Variants in RNF17 observed in about 807,000 individuals in gnomAD.
RNF17 encodes the protein ring finger protein 17, also known as spermatogenesis associated 23.
Under a neutral mutation model 200.5 loss-of-function variants are expected in RNF17, and 31 were observed. That is an observed-to-expected ratio of 0.15 (90% CI 0.12 to 0.21). RNF17 has a LOEUF of 0.21. RNF17 is among the 10% of genes least tolerant of loss of function. The pLI, the probability that RNF17 is intolerant of heterozygous loss-of-function variation, is 1.00. For synonymous variants in RNF17, 606 were observed against 637.8 expected (o/e 0.95, Z 0.75); for missense variants, 1,628 against 1,905.1 (o/e 0.85, Z 2.71).
chr13:24,883,612 A>G (rs1953928729), downstream of RNF17, among the ~76,000 whole-genome samples: 1 of 152,104 alleles, frequency 6.6e-6, no homozygotes, highest in Admixed American at 6.5e-5. Context: ...ACTTTTTTCA[A>G]CTTGTGTTCT....
chr13:24,782,516 A>G (rs1202997178), intron 6 of RNF17, among the ~76,000 whole-genome samples: 1 of 152,128 alleles, frequency 6.6e-6, no homozygotes, highest in Non-Finnish European at 1.5e-5. Context: ...TAACTGTTAA[A>G]GTAAACAAGC....
At chr13:24,876,534 T>G (rs1038912579) in intron 33 of RNF17, among the ~76,000 whole-genome samples, 1 of 152,248 alleles carries the variant, frequency 6.6e-6, no homozygotes, top group Non-Finnish European at 1.5e-5. Context: ...CATTTTACAT[T>G]CTCACTAAGA....
chr13:24,803,352 C>A (rs1179520835), intron 14 of RNF17, among the ~76,000 whole-genome samples: 1 of 152,190 alleles, frequency 6.6e-6, no homozygotes, highest in African/African-American at 2.4e-5. Context: ...GGCTAGAGTG[C>A]AGTAGCACAG....
intron 29 of RNF17, among the ~76,000 whole-genome samples, chr13:24,865,568 A>T (rs1257430732): frequency 6.6e-6 from 1 of 152,170 alleles, no homozygotes; most frequent in East Asian, 1.9e-4. Context: ...GCATCATTAT[A>T]TTTTATATCA....
upstream of RNF17, among the ~76,000 whole-genome samples, chr13:24,760,890 C>G (rs555878944): frequency 6.6e-6 from 1 of 152,044 alleles, no homozygotes; most frequent in South Asian, 2.1e-4. Context: ...CACTAATCAT[C>G]AGGGAAATGC....
chr13:24,856,930 C>G (rs911187385), intron 25 of RNF17, among the ~76,000 whole-genome samples: 1 of 152,046 alleles, frequency 6.6e-6, no homozygotes, highest in Non-Finnish European at 1.5e-5. Context: ...CAAAGTGTTG[C>G]AAGGTCACAA....
intron 1 of RNF17, 153 bp downstream of exon 1, chr13:24,764,486 C>T (rs1664234764): frequency 1.4e-6 from 1 of 740,538 alleles, no homozygotes; most frequent in South Asian, 6.0e-5. Context: ...CTGCACCCGA[C>T]CTCTAAGAGG....
At chr13:24,815,789 A>C (rs1364805048) in intron 15 of RNF17, among the ~76,000 whole-genome samples, 1 of 151,930 alleles carries the variant, frequency 6.6e-6, no homozygotes, top group Non-Finnish European at 1.5e-5. Context: ...AGGGTGTTCA[A>C]TTTTTCAAAT....
chr13:24,768,081 C>T (rs992269806), intron 2 of RNF17, among the ~76,000 whole-genome samples: 4 of 152,074 alleles, frequency 2.6e-5, no homozygotes, highest in African/African-American at 7.2e-5. Context: ...TGGGAGATGC[C>T]ATTCTACAAC....
rs1403413862 is a variant in RNF17, at chr13:24,853,860, A to G, written c.3326A>G (p.Asn1109Ser). ...TTCTTTTTTGGATGTTACAGAATTAATAACTTAGATAACAGCCATTCATTA... is the reference window on the plus strand; with the variant it reads ...TTCTTTTTTGGATGTTACAGAATTAGTAACTTAGATAACAGCCATTCATTA... Reference protein sequence around the residue: ...KGLALRERRINNLDNSHSLSE... With the variant: ...KGLALRERRISNLDNSHSLSE... Residue 1109 changes from asparagine (N) to serine (S), a missense_variant, in exon 25 of 36, where the codon AAT (asparagine) becomes AGT (serine). Transcript: ENST00000255324. 2.5e-6 allele frequency: 4 copies of G among 1,598,540 alleles called. No individual in the cohort carries two copies. The African/African-American group carries it at 5.4e-5, about 22-fold the overall frequency.
At position 24,789,358 on chromosome 13, in the gene RNF17, C is replaced by T; in HGVS notation, c.794C>T (p.Thr265Ile). ...TTTTTTAAATTCTAGATTATCCGGACTTTGCAGTTAACTTCAGATAGTGAA... is the reference window on the plus strand; with the variant it reads ...TTTTTTAAATTCTAGATTATCCGGATTTTGCAGTTAACTTCAGATAGTGAA... The part of the protein sequence containing the change: ...TYCDLNQIIR[T>I]LQLTSDSELA... Residue 265 changes from threonine to isoleucine, a missense_variant, in exon 8 of 36, where the codon ACT becomes ATT. Thr to Ile is a moderately conservative substitution (Grantham distance 89, BLOSUM62 -1). This residue lies in a region of RNF17 where 502 missense variants were observed against 501.7 expected (regional missense o/e 1.00). Coordinates refer to ENST00000255324, the MANE Select transcript of RNF17 (RefSeq NM_031277.3). 1.3e-6 allele frequency: 2 copies of T among 1,595,778 alleles called. No homozygotes were observed. The highest frequency in any genetic ancestry group is 8.6e-7 in the Non-Finnish European group (1 of 1,165,896).
At chr13:24,865,789 G>A (rs573398884) in intron 29 of RNF17, among the ~76,000 whole-genome samples, 1 of 152,032 alleles carries the variant, frequency 6.6e-6, no homozygotes, top group South Asian at 2.1e-4. Context: ...GAGTGGGGGT[G>A]TGTGTGTGTG....
At chr13:24,782,499 A>G (rs1241228490) in intron 6 of RNF17, among the ~76,000 whole-genome samples, 1 of 152,018 alleles carries the variant, frequency 6.6e-6, no homozygotes, top group Non-Finnish European at 1.5e-5. Flanking sequence ...TGCCCAGCTG[A>G]AGCTGTTAAC....
chr13:24,874,389 G>A (rs371777677), intron 33 of RNF17, 140 bp downstream of exon 33: 3 of 543,932 alleles, frequency 5.5e-6, no homozygotes, highest in Non-Finnish European at 8.7e-6. Context: ...TCGTGTTAAA[G>A]TATACATAAA....
rs765632845 is a variant in RNF17 at position 24,862,718 on chromosome 13, G to T, written c.3900G>T (p.Gly1300=). 1 of 1,600,728 alleles carries T rather than the reference G, an allele frequency of 6.2e-7. No individual in the cohort carries two copies. The highest frequency in any genetic ancestry group is 1.1e-5 in the South Asian group (1 of 90,626). The change falls in exon 28 of 36, where the codon GGG becomes GGT. Residue 1300 remains glycine, a synonymous_variant. Coordinates refer to ENST00000255324, the MANE Select transcript of RNF17 (RefSeq NM_031277.3). ...PCQLHNTTPV[G]NVWQPDAIEV... is the part of the protein sequence containing the mutation. ...AGTTTATTAATCTCAAATAGGTTGG[G>T]AATGTCTGGCAACCAGATGCAATAG...
At chr13:24,881,849 C>T (rs1593521050), downstream of RNF17, among the ~76,000 whole-genome samples, 1 of 110,786 alleles carries the variant, frequency 9.0e-6, no homozygotes, top group Non-Finnish European at 2.0e-5. Context: ...TATATAGATA[C>T]ATCTATATAG....
At chr13:24,818,206 T>G (rs1887624357) in intron 15 of RNF17, among the ~76,000 whole-genome samples, 1 of 152,216 alleles carries the variant, frequency 6.6e-6, no homozygotes, top group South Asian at 2.1e-4. Context: ...TCGTTTTTGA[T>G]TTCCAGTTTC....
At chr13:24,782,606 G>GC (rs527969767) in intron 6 of RNF17, among the ~76,000 whole-genome samples, 12 of 29,712 alleles carry the variant, frequency 4.0e-4, no homozygotes, top group South Asian at 3.7e-3. Flanking sequence ...AGGCTGAGAT[G>GC]GGGGGGGGAT....
At chr13:24,855,815 A>G (rs1200547228) in intron 25 of RNF17, among the ~76,000 whole-genome samples, 5 of 152,196 alleles carry the variant, frequency 3.3e-5, no homozygotes, top group African/African-American at 7.2e-5. Flanking sequence ...GTCTCTCACT[A>G]TGGCTTTAGT....
Sources: allele counts gnomAD v4.1 joint callset (sites outside exome capture counted in the v4.1 genomes callset), GRCh38; gene constraint gnomAD v4.1.1; regional missense constraint gnomAD v4.1.1; transcripts MANE v1.5; gene names NCBI Gene and HGNC (gene_info 2026-07-23, HGNC 2026-07-21).